CDK7: variants seen among roughly 807,000 people sequenced by gnomAD.
CDK7 encodes cyclin dependent kinase 7.
CDK7 carries 25 observed loss-of-function variants against 49.1 expected under a neutral mutation model. That is an observed-to-expected ratio of 0.51 (90% CI 0.37 to 0.71). The LOEUF (loss-of-function observed/expected upper bound fraction) is 0.71. Ranked by LOEUF, CDK7 falls within the 30% of genes least tolerant of loss-of-function variation. CDK7 has a pLI of 0.00. For missense variants in CDK7, 316 were observed against 411.7 expected (o/e 0.77, Z 2.01); for synonymous variants, 107 against 140.0 (o/e 0.76, Z 1.67).
intron 8 of CDK7, among the ~76,000 whole-genome samples, chr5:69,267,874 C>CA (rs1215770474): frequency 3.3e-5 from 5 of 152,060 alleles, no homozygotes; most frequent in Non-Finnish European, 7.4e-5. Context: ...AGGTGCCCTA[C>CA]AAAAAACAAA....
Position 69,235,028 on chromosome 5 carries a change from T to G in CDK7, c.53T>G (p.Leu18Arg), listed in dbSNP as rs1173394021. 10 of 1,603,084 alleles carry G rather than the reference T, an allele frequency of 6.2e-6. No individual in the cohort carries two copies. The highest frequency in any genetic ancestry group is 8.5e-6 in the Non-Finnish European group (10 of 1,175,244). The change falls in exon 1 of 12, where the codon CTT (leucine) becomes CGT (arginine). Residue 18 changes from leucine to arginine, a missense_variant. Physicochemically the swap from Leu to Arg is moderately radical, Grantham distance 102. Coordinates refer to ENST00000256443, the MANE Select transcript of CDK7 (RefSeq NM_001799.4). ...AAGCGTTATGAGAAGCTGGACTTCC[T>G]TGGGGAGGGACAGGTGAGGCTCTCT... is the stretch of plus-strand genomic sequence containing the variant. ...RAKRYEKLDF[L>R]GEGQFATVYK...
At chr5:69,268,136 T>C (rs1287189677) in intron 8 of CDK7, among the ~76,000 whole-genome samples, 2 of 152,122 alleles carry the variant, frequency 1.3e-5, no homozygotes, top group Non-Finnish European at 2.9e-5. Context: ...GATTTTTCTA[T>C]GTTTGGTAGA....
intron 1 of CDK7, 36 bp downstream of exon 1, chr5:69,235,077 C>T (rs1199680266): frequency 1.3e-6 from 2 of 1,555,226 alleles, no homozygotes; most frequent in Non-Finnish European, 1.8e-6. Flanking sequence ...GGGCCCCAAG[C>T]GGACAGCCCC....
chr5:69,269,506 C>G (rs1751386963), intron 9 of CDK7, among the ~76,000 whole-genome samples: 1 of 152,044 alleles, frequency 6.6e-6, no homozygotes, highest in Admixed American at 6.6e-5. Flanking sequence ...TTCCCCCCAC[C>G]CCAGTAATCC....
At chr5:69,252,494 CTT>C (rs138764556) in intron 3 of CDK7, 43 bp downstream of exon 3, 31,385 of 356,120 alleles carry the variant, frequency 0.088, 857 homozygotes, top group African/African-American at 0.23. Context: ...AAGTTTTCTC[CTT>C]TTTTTTTTTT....
At position 69,235,579 on chromosome 5, in the gene CDK7, CAAAAT is replaced by C. The variant is rs1748915298; in HGVS notation, c.126+129_126+133del. 9.9e-6 allele frequency: 7 copies of C among 707,822 alleles called. No homozygotes were observed. The South Asian group carries it at 1.2e-4, about 12-fold the overall frequency. 43.8% of individuals were successfully genotyped at this position (707,822 alleles called of 1,614,324 possible). On this transcript the variant is annotated intron_variant, in intron 2 of 11. Transcript: ENST00000256443. ...GAGTTACTCATGTCATTTTCAGAGA[CAAAAT>C]AATTAATTAGTGCTTTGTGTTCCCA...
chr5:69,250,585 C>T (rs1750073465), intron 2 of CDK7, among the ~76,000 whole-genome samples: 1 of 152,120 alleles, frequency 6.6e-6, no homozygotes, highest in East Asian at 1.9e-4. Context: ...GTGGGTTCCC[C>T]TCTGTTCCAG....
intron 10 of CDK7, 148 bp from the exon 11 acceptor site, chr5:69,276,395 G>A: frequency 1.5e-6 from 1 of 674,642 alleles, no homozygotes; most frequent in East Asian, 2.7e-5. Flanking sequence ...ATTTCCATTT[G>A]CAAATACTTG....
chr5:69,277,119 A>G lies in CDK7; in HGVS notation c.1025A>G (p.Lys342Arg). ...TEALEQGGLP[K>R]KLIF Reference sequence around the variant, plus strand: ...TTTTGCTTCCTAGGAGGATTGCCCAAGAAACTAATTTTTTAAAGAGAACAC... The same window carrying G: ...TTTTGCTTCCTAGGAGGATTGCCCAGGAAACTAATTTTTTAAAGAGAACAC... The change falls in exon 12 of 12, where the codon AAG becomes AGG. Residue 342 changes from lysine (K) to arginine (R), a missense_variant. Physicochemically the swap from Lys to Arg is conservative, Grantham distance 26. Coordinates refer to ENST00000256443, the MANE Select transcript of CDK7 (RefSeq NM_001799.4). The G allele has an allele frequency of 6.3e-7, 1 of 1,599,498 alleles. No homozygotes were observed. Among genetic ancestry groups the G allele is most frequent in the African/African-American group, 1.3e-5 (1 of 74,490 alleles).
At chr5:69,272,482 A>C (rs182061883) in intron 9 of CDK7, among the ~76,000 whole-genome samples, 1 of 152,334 alleles carries the variant, frequency 6.6e-6, no homozygotes, top group African/African-American at 2.4e-5. Flanking sequence ...AGGATAATTA[A>C]CATCCTTCCT....
At chr5:69,256,335 G>GT (rs950149154) in intron 5 of CDK7, among the ~76,000 whole-genome samples, 2 of 151,950 alleles carry the variant, frequency 1.3e-5, no homozygotes, top group African/African-American at 4.8e-5. Context: ...TGAAAGCCAA[G>GT]TTTTTTTGTT....
intron 8 of CDK7, among the ~76,000 whole-genome samples, chr5:69,265,437 A>C (rs1050357188): frequency 8.5e-5 from 13 of 152,312 alleles, no homozygotes; most frequent in Admixed American, 7.8e-4. Context: ...GAAGAAAAGC[A>C]GCATACATAG....
intron 9 of CDK7, among the ~76,000 whole-genome samples, chr5:69,270,938 A>G (rs907253543): frequency 2.6e-5 from 4 of 152,198 alleles, no homozygotes; most frequent in Non-Finnish European, 4.4e-5. Flanking sequence ...CTAAACATTT[A>G]TGTACAGTTT....
intron 7 of CDK7, among the ~76,000 whole-genome samples, chr5:69,261,492 G>C (rs1201008951): frequency 1.8e-5 from 2 of 113,348 alleles, no homozygotes; most frequent in Middle Eastern, 4.2e-3. Context: ...AAGGTTCTCT[G>C]TGTGTGTGTG....
chr5:69,250,785 G>A (rs149962753), intron 2 of CDK7: 56 of 456,636 alleles, frequency 1.2e-4, no homozygotes, highest in African/African-American at 9.0e-4. Context: ...AATGTGCTGT[G>A]TCATACCTGA....
rs1749282442 is a variant in CDK7 at position 69,240,327 on chromosome 5, A to G, written c.126+4874A>G. Among the ~76,000 whole-genome samples, 5 of 152,330 alleles carry G rather than the reference A, an allele frequency of 3.3e-5. No individual in the cohort carries two copies. In the South Asian group the frequency reaches 8.3e-4, roughly 25 times the overall value. ...AAATGTGAATCAGGAAAATTTGAAT[A>G]GGAACTAGATATTAGATGCTACTGT... is the stretch of plus-strand genomic sequence containing the variant. On this transcript the variant is annotated intron_variant, in intron 2 of 11. Transcript: ENST00000256443.
chr5:69,251,677 C>T (rs936066208), intron 2 of CDK7, among the ~76,000 whole-genome samples: 2 of 151,908 alleles, frequency 1.3e-5, no homozygotes, highest in African/African-American at 4.8e-5. Context: ...ACTGTAGGCA[C>T]GTGCCACCAC....
Position 69,234,942 on chromosome 5 carries a change from C to T in CDK7, c.-34C>T, listed in dbSNP as rs1748843292. ...AATTCGTGTTGTCCTGGGAGCTCGCCCTTTTCGGCTGGAGTCGGGCTTTAC... is the reference window on the plus strand; with the variant it reads ...AATTCGTGTTGTCCTGGGAGCTCGCTCTTTTCGGCTGGAGTCGGGCTTTAC... On this transcript the variant is annotated 5_prime_UTR_variant, in exon 1 of 12. Transcript: ENST00000256443. 9 of 1,571,398 alleles carry T rather than the reference C, an allele frequency of 5.7e-6. No individual in the cohort carries two copies. Among genetic ancestry groups the T allele is most frequent in the Middle Eastern group, 1.7e-4 (1 of 6,000 alleles).
At chr5:69,275,066 A>G (rs1223173512) in intron 10 of CDK7, among the ~76,000 whole-genome samples, 1 of 147,232 alleles carries the variant, frequency 6.8e-6, no homozygotes, top group Non-Finnish European at 1.5e-5. Flanking sequence ...TCTGTATCCA[A>G]AAAAAAAAAA....
Sources: allele counts gnomAD v4.1 joint callset (sites outside exome capture counted in the v4.1 genomes callset), GRCh38; gene constraint gnomAD v4.1.1; transcripts MANE v1.5; gene names NCBI Gene and HGNC (gene_info 2026-07-23, HGNC 2026-07-21).